Variants in SLC39A11 observed in about 807,000 individuals in gnomAD.
SLC39A11 encodes zinc transporter ZIP11.
A neutral mutation model predicts 36.1 loss-of-function variants in SLC39A11; 33 were observed. The observed-to-expected ratio is 0.91, with a 90% confidence interval of 0.69 to 1.22. The LOEUF (loss-of-function observed/expected upper bound fraction) is 1.22, where lower values mean the gene tolerates loss of function less well. Among genes scored for constraint, SLC39A11 ranks in the 50% most tolerant of loss-of-function variants. The pLI is 0.00. For synonymous variants in SLC39A11, 166 were observed against 170.3 expected (o/e 0.97, Z 0.20); for missense variants, 432 against 430.3 (o/e 1.00, Z -0.03).
At chr17:72,887,941 A>G (rs2081519276) in intron 5 of SLC39A11, among the ~76,000 whole-genome samples, 1 of 152,200 alleles carries the variant, frequency 6.6e-6, no homozygotes, top group Admixed American at 6.5e-5. Flanking sequence ...ATTGTTTTCA[A>G]TGAGAATTTC....
chr17:72,936,558 T>C (rs2084775386), intron 5 of SLC39A11, among the ~76,000 whole-genome samples: 1 of 151,784 alleles, frequency 6.6e-6, no homozygotes, highest in South Asian at 2.1e-4. Flanking sequence ...GGAAATGACC[T>C]CTCTCTGGGC....
chr17:73,083,313 G>A (rs1000896562), intron 3 of SLC39A11, among the ~76,000 whole-genome samples: 1 of 152,178 alleles, frequency 6.6e-6, no homozygotes, highest in African/African-American at 2.4e-5. Flanking sequence ...AACACTCTCT[G>A]TGCACCTGTG....
intron 6 of SLC39A11, among the ~76,000 whole-genome samples, chr17:72,828,731 C>T (rs372396287): frequency 2.8e-4 from 42 of 152,212 alleles, no homozygotes; most frequent in African/African-American, 9.6e-4. Flanking sequence ...TTGTGTGCCA[C>T]GTTTCCAGGA....
chr17:72,925,339 C>T (rs994992744), intron 5 of SLC39A11, among the ~76,000 whole-genome samples: 2 of 152,088 alleles, frequency 1.3e-5, no homozygotes, highest in South Asian at 4.2e-4. Flanking sequence ...AGGTATCTTC[C>T]ATGAGTCAGA....
At chr17:72,730,470 T>C (rs2074170473) in intron 7 of SLC39A11, among the ~76,000 whole-genome samples, 1 of 152,224 alleles carries the variant, frequency 6.6e-6, no homozygotes, top group Non-Finnish European at 1.5e-5. Context: ...TGCCACTTAT[T>C]AATCACTTAG....
intron 5 of SLC39A11, among the ~76,000 whole-genome samples, chr17:72,945,579 T>C (rs2085383338): frequency 6.6e-6 from 1 of 152,212 alleles, no homozygotes; most frequent in South Asian, 2.1e-4. Context: ...AAGAGATGGC[T>C]GGGAGATCAT....
chr17:72,857,347 TA>T (rs2079699073), intron 5 of SLC39A11, among the ~76,000 whole-genome samples: 1 of 152,244 alleles, frequency 6.6e-6, no homozygotes, highest in South Asian at 2.1e-4. Context: ...TATTCCATGG[TA>T]TATATGTACC....
At chr17:72,947,626 C>T (rs749349928) in intron 5 of SLC39A11, 126 bp downstream of exon 5, 17 of 1,387,898 alleles carry the variant, frequency 1.2e-5, no homozygotes, top group African/African-American at 4.2e-5. Flanking sequence ...GTGAGTGATT[C>T]GGAGGGATAG....
intron 7 of SLC39A11, among the ~76,000 whole-genome samples, chr17:72,703,893 C>T (rs771750803): frequency 1.6e-4 from 24 of 152,158 alleles, no homozygotes; most frequent in Admixed American, 3.3e-4. Context: ...TTCGGGAGGC[C>T]GAGGTGGGTG....
intron 5 of SLC39A11, among the ~76,000 whole-genome samples, chr17:72,870,304 T>C (rs1333047927): frequency 9.1e-6 from 1 of 110,350 alleles, no homozygotes; most frequent in Non-Finnish European, 1.8e-5. Flanking sequence ...GCCCAGATTA[T>C]CTCTGAACAT....
chr17:72,901,415 G>A (rs1482840400), intron 5 of SLC39A11, among the ~76,000 whole-genome samples: 1 of 152,194 alleles, frequency 6.6e-6, no homozygotes. Context: ...CTGCCCTCTT[G>A]AGCTCTGAGC....
intron 6 of SLC39A11, among the ~76,000 whole-genome samples, chr17:72,830,179 G>GA (rs1469743837): frequency 6.6e-6 from 1 of 152,154 alleles, no homozygotes; most frequent in Non-Finnish European, 1.5e-5. Flanking sequence ...ACTGATAAAT[G>GA]AAAAATTTAA....
At chr17:72,785,917 G>C (rs1167977035) in intron 6 of SLC39A11, among the ~76,000 whole-genome samples, 4 of 151,738 alleles carry the variant, frequency 2.6e-5, no homozygotes, top group African/African-American at 9.7e-5. Flanking sequence ...AGCTTGGCTA[G>C]AAATGATCGT....
At chr17:73,024,906 G>A (rs1389682414) in intron 4 of SLC39A11, among the ~76,000 whole-genome samples, 2 of 127,164 alleles carry the variant, frequency 1.6e-5, no homozygotes, top group Non-Finnish European at 3.2e-5. Context: ...GGTAGAGACA[G>A]GGTTTCACCA....
chr17:72,815,472 CA>C (rs2077552634), intron 6 of SLC39A11, among the ~76,000 whole-genome samples: 1 of 151,950 alleles, frequency 6.6e-6, no homozygotes, highest in African/African-American at 2.4e-5. Flanking sequence ...ACAAAATTAG[CA>C]GGTCATGGTG....
intron 6 of SLC39A11, among the ~76,000 whole-genome samples, chr17:72,737,305 T>C (rs1395660170): frequency 6.6e-6 from 1 of 151,940 alleles, no homozygotes; most frequent in Non-Finnish European, 1.5e-5. Context: ...TAAATTTATA[T>C]AAAATTCAAA....
intron 5 of SLC39A11, among the ~76,000 whole-genome samples, chr17:72,911,560 T>C (rs1420300276): frequency 1.3e-5 from 2 of 152,050 alleles, no homozygotes; most frequent in African/African-American, 2.4e-5. Context: ...GCCTCCTCGT[T>C]CTCCTTCCGC....
chr17:72,650,551 C>T lies in SLC39A11; in HGVS notation c.672-1283G>A, dbSNP rs144671020. Among the ~76,000 whole-genome samples the T allele has an allele frequency of 1.2e-4, 19 of 152,270 alleles. No homozygotes were observed. In the East Asian group the frequency reaches 2.5e-3, roughly 20 times the overall value. On this transcript the variant is annotated intron_variant, in intron 7 of 9. Coordinates refer to ENST00000255559, the MANE Select transcript of SLC39A11 (RefSeq NM_139177.4). The stretch of plus-strand genomic sequence containing the variant: ...AGTGCCTTAGGAAGGCCCTTTTGCA[C>T]GTGAGACTCTACCTTGGCCGGACAG...
chr17:72,835,600 A>G (rs1312301708), intron 6 of SLC39A11, among the ~76,000 whole-genome samples: 1 of 152,182 alleles, frequency 6.6e-6, no homozygotes, highest in African/African-American at 2.4e-5. Context: ...AGTTGGGACT[A>G]TAGGCATGTG....
Sources: allele counts gnomAD v4.1 joint callset (sites outside exome capture counted in the v4.1 genomes callset), GRCh38; gene constraint gnomAD v4.1.1; transcripts MANE v1.5; gene names NCBI Gene and HGNC (gene_info 2026-07-23, HGNC 2026-07-21).